TGFA: variants seen among roughly 807,000 people sequenced by gnomAD.
TGFA encodes protransforming growth factor alpha.
Under a neutral mutation model 21.7 loss-of-function variants are expected in TGFA, and 12 were observed. The ratio of observed to expected loss-of-function variants is 0.55; its 90% CI spans 0.35 to 0.90. The LOEUF (loss-of-function observed/expected upper bound fraction) is 0.90, where lower values mean the gene tolerates loss of function less well. Among genes scored for constraint, TGFA ranks in the 40% least tolerant of loss-of-function variants. The probability of loss-of-function intolerance (pLI) is 0.01; values close to 1 mark genes in which losing one functional copy is unlikely to be tolerated. For missense variants in TGFA, 178 were observed against 210.8 expected, an observed-to-expected ratio of 0.84 and a Z score of 0.96; for synonymous variants, 79 against 88.1, an observed-to-expected ratio of 0.90 and a Z score of 0.58.
At chr2:70,452,596 A>G (rs1365546253) in intron 5 of TGFA, among the ~76,000 whole-genome samples, 1 of 152,166 alleles carries the variant, frequency 6.6e-6, no homozygotes, top group African/African-American at 2.4e-5. Context: ...ACACTATACT[A>G]GGTATTTTAT....
At chr2:70,498,552 A>G (rs72910048) in intron 2 of TGFA, among the ~76,000 whole-genome samples, 9,482 of 152,228 alleles carry the variant, frequency 0.062, 349 homozygotes, top group Middle Eastern at 0.1. Context: ...CCCCTTTATC[A>G]TCAAGTTAAG....
chr2:70,487,688 C>T (rs565060597), intron 2 of TGFA, among the ~76,000 whole-genome samples: 1 of 152,316 alleles, frequency 6.6e-6, no homozygotes, highest in African/African-American at 2.4e-5. Context: ...TCTTTGATGG[C>T]TGAAGTTTTC....
At chr2:70,525,406 A>G (rs1553502845) in intron 1 of TGFA, among the ~76,000 whole-genome samples, 1 of 152,182 alleles carries the variant, frequency 6.6e-6, no homozygotes, top group Admixed American at 6.5e-5. Flanking sequence ...TGGCCACAGG[A>G]CACCCCTTAG....
chr2:70,487,963 C>A (rs970389490), intron 2 of TGFA, among the ~76,000 whole-genome samples: 2 of 152,124 alleles, frequency 1.3e-5, no homozygotes, highest in Admixed American at 6.5e-5. Flanking sequence ...TCTTCATAAC[C>A]GTTCCAATGC....
intron 1 of TGFA, among the ~76,000 whole-genome samples, chr2:70,548,282 A>G (rs1162011158): frequency 2.0e-5 from 3 of 152,200 alleles, no homozygotes; most frequent in Non-Finnish European, 4.4e-5. Context: ...CTGTGCTCAG[A>G]GGTGCCAAAC....
intron 2 of TGFA, among the ~76,000 whole-genome samples, chr2:70,508,319 C>T (rs1671990602): frequency 6.6e-6 from 1 of 152,202 alleles, no homozygotes; most frequent in African/African-American, 2.4e-5. Flanking sequence ...GTAGCCGGTG[C>T]CTGTAATCCC....
Position 70,450,950 on chromosome 2 carries a change from G to A in TGFA, c.476-84C>T, listed in dbSNP as rs1670034947. 1.8e-5 allele frequency: 28 copies of A among 1,515,228 alleles called. No homozygotes were observed. The South Asian group carries it at 3.3e-4, about 18-fold the overall frequency. 93.9% of individuals were successfully genotyped at this position (1,515,228 alleles called of 1,614,324 possible). On this transcript the variant is annotated intron_variant, in intron 5 of 5. Coordinates refer to ENST00000295400, the MANE Select transcript of TGFA (RefSeq NM_003236.4). ...AATAAGCTTAGGAAAGAGACTTGGA[G>A]ATGGCAGAGCCAATGTCACCAAGTT...
At chr2:70,498,884 T>C (rs1453287737) in intron 2 of TGFA, among the ~76,000 whole-genome samples, 2 of 152,166 alleles carry the variant, frequency 1.3e-5, no homozygotes, top group African/African-American at 4.8e-5. Context: ...CTTTTTCCCC[T>C]ACACTTGTGG....
At chr2:70,474,822 A>G (rs1282051737) in intron 2 of TGFA, among the ~76,000 whole-genome samples, 1 of 152,230 alleles carries the variant, frequency 6.6e-6, no homozygotes, top group Non-Finnish European at 1.5e-5. Flanking sequence ...AGCCATTTTA[A>G]TTCCCTCTGA....
chr2:70,522,985 T>C (rs1672520299), intron 1 of TGFA, among the ~76,000 whole-genome samples: 1 of 152,204 alleles, frequency 6.6e-6, no homozygotes, highest in South Asian at 2.1e-4. Context: ...GTACCATTGT[T>C]CAGTTGGGTG....
intron 2 of TGFA, 91 bp from the exon 3 acceptor site, chr2:70,465,827 C>G: frequency 6.4e-7 from 1 of 1,555,198 alleles, no homozygotes; most frequent in Non-Finnish European, 8.7e-7. Context: ...AAGGTGGAGC[C>G]CCTGATGGCT....
intron 1 of TGFA, among the ~76,000 whole-genome samples, chr2:70,521,125 T>A (rs2103873669): frequency 6.6e-6 from 1 of 152,234 alleles, no homozygotes; most frequent in Non-Finnish European, 1.5e-5. Flanking sequence ...CTCCTACTAC[T>A]AGACTGACCT....
At chr2:70,543,758 C>G (rs1277563360) in intron 1 of TGFA, among the ~76,000 whole-genome samples, 3 of 152,030 alleles carry the variant, frequency 2.0e-5, no homozygotes, top group South Asian at 4.1e-4. Flanking sequence ...TTCTTTCAAG[C>G]CTTCACAAAA....
At chr2:70,464,573 G>A (rs538541937) in intron 3 of TGFA, among the ~76,000 whole-genome samples, 2 of 152,116 alleles carry the variant, frequency 1.3e-5, no homozygotes, top group Non-Finnish European at 2.9e-5. Context: ...CAGGGATACC[G>A]CTGACTTCCT....
At chr2:70,500,107 T>G (rs1278205264) in intron 2 of TGFA, among the ~76,000 whole-genome samples, 2 of 152,194 alleles carry the variant, frequency 1.3e-5, no homozygotes, top group African/African-American at 2.4e-5. Flanking sequence ...TGGTATCTAT[T>G]TTCAACACAT....
Position 70,553,800 on chromosome 2 carries a change from C to T in TGFA, c.-33G>A. 1 of 1,259,638 alleles carries T rather than the reference C, an allele frequency of 7.9e-7. No individual in the cohort carries two copies. Among genetic ancestry groups the T allele is most frequent in the Non-Finnish European group, 1.0e-6 (1 of 995,594 alleles). The allele number at this position is 1,259,638 out of a possible 1,614,324, so 78.0% of individuals were successfully genotyped here. A position where few individuals can be genotyped will look rare whatever the true frequency, so the allele number is the denominator to read the frequency against. The stretch of plus-strand genomic sequence containing the variant: ...GCGGGCGGGCAGCAGGCTCTCCAGC[C>T]TCCTGCCCTACCTGCGGTGCCCGAG... On this transcript the variant is annotated 5_prime_UTR_variant, in exon 1 of 6. Coordinates refer to ENST00000295400, the MANE Select transcript of TGFA (RefSeq NM_003236.4).
intron 1 of TGFA, among the ~76,000 whole-genome samples, chr2:70,517,124 A>G (rs1672306486): frequency 6.6e-6 from 1 of 152,226 alleles, no homozygotes; most frequent in Non-Finnish European, 1.5e-5. Flanking sequence ...TCTGTTCCTC[A>G]CCTGTGAGCT....
At chr2:70,544,377 T>C (rs1405700688) in intron 1 of TGFA, among the ~76,000 whole-genome samples, 1 of 150,448 alleles carries the variant, frequency 6.6e-6, no homozygotes, top group Non-Finnish European at 1.5e-5. Context: ...GGAGGCAAAG[T>C]TATTATTATT....
At chr2:70,514,779 G>A (rs1672216452) in intron 2 of TGFA, 80 bp downstream of exon 2, 2 of 1,464,666 alleles carry the variant, frequency 1.4e-6, no homozygotes, top group Admixed American at 3.6e-5. Flanking sequence ...GGCCAGGGAG[G>A]GAGCTCTTGA....
Sources: allele counts gnomAD v4.1 joint callset (sites outside exome capture counted in the v4.1 genomes callset), GRCh38; gene constraint gnomAD v4.1.1; transcripts MANE v1.5; gene names NCBI Gene and HGNC (gene_info 2026-07-23, HGNC 2026-07-21).